The following SCMH1 variants were observed in gnomAD, a reference collection of about 807,000 sequenced individuals.
SCMH1 encodes the protein Scm polycomb group protein homolog 1, also known as polycomb protein SCMH1.
In SCMH1, 37 loss-of-function variants were observed where a neutral mutation model predicts 70.8. The observed-to-expected ratio is 0.52, with a 90% confidence interval of 0.40 to 0.69. The LOEUF is 0.69. Ranked by LOEUF, SCMH1 falls within the 30% of genes least tolerant of loss-of-function variation. The probability of loss-of-function intolerance (pLI) is 0.00; values close to 1 mark genes in which losing one functional copy is unlikely to be tolerated. For synonymous variants in SCMH1, 292 were observed against 307.4 expected, an observed-to-expected ratio of 0.95 and a Z score of 0.52; for missense variants, 607 against 827.3, an observed-to-expected ratio of 0.73 and a Z score of 3.27.
chr1:41,067,021 C>A (rs917351243), intron 10 of SCMH1, among the ~76,000 whole-genome samples: 6 of 152,214 alleles, frequency 3.9e-5, no homozygotes, highest in Admixed American at 3.9e-4. Flanking sequence ...AAAACCTGCA[C>A]ACAGATATTT....
At chr1:41,231,683 C>A (rs2148903947) in intron 1 of SCMH1, among the ~76,000 whole-genome samples, 1 of 152,300 alleles carries the variant, frequency 6.6e-6, no homozygotes, top group East Asian at 1.9e-4. Flanking sequence ...CTGACACTTT[C>A]TCAAACGTTC....
At chr1:41,060,587 A>G (rs1013389822) in intron 10 of SCMH1, among the ~76,000 whole-genome samples, 5 of 152,210 alleles carry the variant, frequency 3.3e-5, no homozygotes, top group Admixed American at 6.5e-5. Flanking sequence ...CTATATAAAG[A>G]AAGGAAGAGC....
chr1:41,230,924 C>T (rs1007417029), intron 1 of SCMH1, among the ~76,000 whole-genome samples: 1 of 152,122 alleles, frequency 6.6e-6, no homozygotes, highest in Non-Finnish European at 1.5e-5. Flanking sequence ...CTGCTACAAA[C>T]GAAGTTAACC....
chr1:41,233,807 C>T (rs571635561), intron 1 of SCMH1, among the ~76,000 whole-genome samples: 2 of 152,268 alleles, frequency 1.3e-5, no homozygotes, highest in East Asian at 3.9e-4. Flanking sequence ...TCACTTTCTC[C>T]TGATTATGCT....
chr1:41,097,622 C>T (rs1252097277), intron 8 of SCMH1, among the ~76,000 whole-genome samples: 1 of 152,210 alleles, frequency 6.6e-6, no homozygotes, highest in African/African-American at 2.4e-5. Context: ...GCATGTGCCA[C>T]CACAGCTAGC....
intron 8 of SCMH1, among the ~76,000 whole-genome samples, chr1:41,085,493 A>G (rs1661340717): frequency 1.3e-5 from 2 of 152,220 alleles, no homozygotes; most frequent in Admixed American, 6.5e-5. Flanking sequence ...AATATTTAAC[A>G]TTGCACTGGA....
intron 10 of SCMH1, among the ~76,000 whole-genome samples, chr1:41,057,418 T>G (rs1650795685): frequency 6.6e-6 from 1 of 152,074 alleles, no homozygotes; most frequent in Non-Finnish European, 1.5e-5. Flanking sequence ...TTTTTCTTTT[T>G]TTTTGTATTT....
rs374137111 is a variant in SCMH1 at position 41,209,579 on chromosome 1, C to T, written c.-117-23329G>A. 1.1e-3 allele frequency among the ~76,000 whole-genome samples: 173 copies of T among 152,290 alleles called. 3 individuals carry two copies. In the South Asian group the frequency reaches 0.033, roughly 29 times the overall value. On this transcript the variant is annotated intron_variant, in intron 1 of 14. Transcript: ENST00000337495. The stretch of plus-strand genomic sequence containing the variant: ...GGTTCAACATATGCAAATCAATAAA[C>T]GTAATTCATCGCATAAACAGAACCA...
At chr1:41,208,604 G>A (rs1042846447) in intron 1 of SCMH1, among the ~76,000 whole-genome samples, 2 of 152,066 alleles carry the variant, frequency 1.3e-5, no homozygotes, top group East Asian at 1.9e-4. Context: ...ACATGGAAAC[G>A]GAACAACCTG....
At chr1:41,195,712 T>C (rs755532280) in intron 1 of SCMH1, among the ~76,000 whole-genome samples, 1 of 152,152 alleles carries the variant, frequency 6.6e-6, no homozygotes, top group Non-Finnish European at 1.5e-5. Context: ...AAGTTCTAGC[T>C]AAAGTAATTA....
At chr1:41,041,325 G>A (rs1646136948) in intron 12 of SCMH1, 1 of 152,160 alleles carries the variant, frequency 6.6e-6, no homozygotes, top group Admixed American at 6.5e-5. Flanking sequence ...TGACAGTTAG[G>A]ATGATGGATA....
chr1:41,106,832 G>T (rs1668055024), intron 8 of SCMH1, among the ~76,000 whole-genome samples: 1 of 151,806 alleles, frequency 6.6e-6, no homozygotes, highest in Non-Finnish European at 1.5e-5. Flanking sequence ...AGGGACTGCA[G>T]ACGTCAGCCA....
intron 1 of SCMH1, among the ~76,000 whole-genome samples, chr1:41,198,421 G>T (rs1653541472): frequency 6.6e-6 from 1 of 152,198 alleles, no homozygotes; most frequent in Admixed American, 6.5e-5. Flanking sequence ...CTCTGTGAGG[G>T]CAGAGATTGT....
chr1:41,033,679 C>T (rs1644867963), intron 13 of SCMH1, among the ~76,000 whole-genome samples: 1 of 152,190 alleles, frequency 6.6e-6, no homozygotes, highest in Admixed American at 6.5e-5. Context: ...AAGCTCATGC[C>T]TAATCATCCT....
In SCMH1 at chr1:41,186,037, T is replaced by A. The variant is rs1650114749; in HGVS notation, c.13+84A>T. ...AGAAAAGGATAACGAGTAGTCTAAT[T>A]ATTCGTGAGGAATTCCTTAAAGCCA... On this transcript the variant is annotated intron_variant, in intron 2 of 14. Transcript: ENST00000337495. The A allele has an allele frequency of 1.2e-5, 17 of 1,454,486 alleles. No homozygotes were observed. The South Asian group carries it at 2.0e-4, about 17-fold the overall frequency. 90.1% of individuals were successfully genotyped at this position (1,454,486 alleles called of 1,614,324 possible). A position where few individuals can be genotyped will look rare whatever the true frequency, so the allele number is the denominator to read the frequency against.
chr1:41,113,383 T>A lies in SCMH1; in HGVS notation c.645A>T (p.Arg215=), dbSNP rs1669702339. The A allele has an allele frequency of 6.2e-7, 1 of 1,613,898 alleles. No individual in the cohort carries two copies. Among genetic ancestry groups the A allele is most frequent in the Admixed American group, 1.7e-5 (1 of 59,988 alleles). ...AGCGGCACCAGTAGTCAAAGGCCCC[T>A]CGCCACCCATCAAAAGTGACAAGCA... Residue 215 remains arginine, a synonymous_variant, in exon 8 of 15, where the codon CGA becomes CGT. Transcript: ENST00000337495. This position sits in a 1 kb window ranked among gnomAD's most constrained non-coding sequence, Gnocchi z 4.3.
intron 8 of SCMH1, among the ~76,000 whole-genome samples, chr1:41,107,709 G>A (rs377498060): frequency 9.2e-5 from 14 of 152,038 alleles, no homozygotes; most frequent in African/African-American, 2.9e-4. Flanking sequence ...CAGTAGAGAC[G>A]GGGTTTCACC....
intron 1 of SCMH1, among the ~76,000 whole-genome samples, chr1:41,224,933 G>A (rs1659978047): frequency 6.6e-6 from 1 of 152,050 alleles, no homozygotes; most frequent in African/African-American, 2.4e-5. Context: ...ACTGGATTTA[G>A]GATTAGAATA....
intron 5 of SCMH1, among the ~76,000 whole-genome samples, chr1:41,143,728 T>G (rs1159478880): frequency 6.6e-6 from 1 of 151,398 alleles, no homozygotes; most frequent in Non-Finnish European, 1.5e-5. Context: ...TCACATGCTC[T>G]TTTGTAATCT....
Sources: gnomAD v4.1 joint callset for allele counts (sites outside exome capture counted in the v4.1 genomes callset) on GRCh38, gnomAD v4.1.1 for gene constraint, Gnocchi (gnomAD v3.1) non-coding constraint, MANE v1.5 for transcripts, NCBI Gene and HGNC (gene_info 2026-07-23, HGNC 2026-07-21) for gene names.